LDLRAD4: variants seen among roughly 807,000 people sequenced by gnomAD.
LDLRAD4 encodes the protein low-density lipoprotein receptor class A domain-containing protein 4.
A neutral mutation model predicts 17.0 loss-of-function variants in LDLRAD4; 5 were observed. The ratio of observed to expected loss-of-function variants is 0.29; its 90% CI spans 0.15 to 0.62. The LOEUF is 0.62. Ranked by LOEUF, LDLRAD4 falls within the 20% of genes least tolerant of loss-of-function variation. The pLI, the probability that LDLRAD4 is intolerant of heterozygous loss-of-function variation, is 0.84. For synonymous variants in LDLRAD4, 168 were observed against 171.8 expected, an observed-to-expected ratio of 0.98 and a Z score of 0.17; for missense variants, 340 against 424.7, an observed-to-expected ratio of 0.80 and a Z score of 1.75.
At chr18:13,254,169 C>T (rs1427739134) in intron 1 of LDLRAD4, among the ~76,000 whole-genome samples, 1 of 152,146 alleles carries the variant, frequency 6.6e-6, no homozygotes, top group Non-Finnish European at 1.5e-5. Context: ...CACGGACGGG[C>T]GGTGTCGCGC....
chr18:13,417,699 G>A (rs148472582), intron 2 of LDLRAD4, among the ~76,000 whole-genome samples: 2,059 of 152,294 alleles, frequency 0.014, 24 homozygotes, highest in African/African-American at 0.025. Context: ...CTCCCAAAGT[G>A]CTGGGATTAC....
At chr18:13,374,894 G>A (rs1445116970) in intron 1 of LDLRAD4, among the ~76,000 whole-genome samples, 1 of 152,160 alleles carries the variant, frequency 6.6e-6, no homozygotes, top group Non-Finnish European at 1.5e-5. Context: ...CCCAGGCCCT[G>A]GACCTGTGTG....
chr18:13,384,928 A>G (rs2085677742), intron 1 of LDLRAD4, among the ~76,000 whole-genome samples: 2 of 152,208 alleles, frequency 1.3e-5, no homozygotes, highest in African/African-American at 4.8e-5. Context: ...GTTATTGTGA[A>G]TAGTGCCGAA....
chr18:13,549,667 T>C (rs988071473), intron 3 of LDLRAD4, among the ~76,000 whole-genome samples: 1 of 151,634 alleles, frequency 6.6e-6, no homozygotes, highest in South Asian at 2.1e-4. Context: ...GGAGGAAACT[T>C]AGAGAACAGA....
chr18:13,499,160 C>T (rs898423409), intron 3 of LDLRAD4, among the ~76,000 whole-genome samples: 7 of 149,902 alleles, frequency 4.7e-5, no homozygotes, highest in African/African-American at 1.7e-4. Flanking sequence ...ACACACACGT[C>T]GCGCCGTGGA....
chr18:13,271,412 C>T (rs1055245123), intron 1 of LDLRAD4, among the ~76,000 whole-genome samples: 2 of 152,210 alleles, frequency 1.3e-5, no homozygotes, highest in African/African-American at 4.8e-5. Flanking sequence ...GCCCATTTCC[C>T]AATTCCCACT....
At chr18:13,267,429 C>CA (rs1344167647) in intron 1 of LDLRAD4, among the ~76,000 whole-genome samples, 1 of 152,224 alleles carries the variant, frequency 6.6e-6, no homozygotes, top group Non-Finnish European at 1.5e-5. Flanking sequence ...CCACCTGTCA[C>CA]ATGTGGTGGT....
intron 3 of LDLRAD4, among the ~76,000 whole-genome samples, chr18:13,618,710 C>T (rs779803779): frequency 6.6e-6 from 1 of 152,130 alleles, no homozygotes; most frequent in East Asian, 1.9e-4. Context: ...GTGAATACTC[C>T]GCTATTTAAC....
chr18:13,336,700 T>C (rs1252061865), intron 1 of LDLRAD4, among the ~76,000 whole-genome samples: 3 of 152,182 alleles, frequency 2.0e-5, no homozygotes, highest in Non-Finnish European at 4.4e-5. Flanking sequence ...TGATCTCTTC[T>C]AGTTCATATT....
intron 3 of LDLRAD4, among the ~76,000 whole-genome samples, chr18:13,585,202 G>A (rs1483514382): frequency 6.6e-6 from 1 of 152,210 alleles, no homozygotes; most frequent in South Asian, 2.1e-4. Context: ...CAATACATCA[G>A]CTTTGCTGGG....
At chr18:13,417,587 C>T (rs1240130543) in intron 2 of LDLRAD4, among the ~76,000 whole-genome samples, 1 of 152,076 alleles carries the variant, frequency 6.6e-6, no homozygotes, top group Non-Finnish European at 1.5e-5. Flanking sequence ...CGCCCGCCAC[C>T]ACACCTGGCT....
At chr18:13,498,319 C>A (rs868228518) in intron 3 of LDLRAD4, among the ~76,000 whole-genome samples, 19 of 125,030 alleles carry the variant, frequency 1.5e-4, no homozygotes, top group African/African-American at 3.7e-4. Flanking sequence ...TGCCCACACA[C>A]GTCCTGCCGT....
At position 13,288,828 on chromosome 18, in the gene LDLRAD4, C is replaced by T. The variant is rs12455159; in HGVS notation, c.-383+10640C>T. On this transcript the variant is annotated intron_variant, in intron 1 of 5. Coordinates refer to ENST00000359446, the Ensembl canonical transcript of LDLRAD4. The stretch of plus-strand genomic sequence containing the variant: ...AGTCACGGGGCCACGGTAGCAGCCC[C>T]ACAGACCATGGCAATTGACCGCACC... Among the ~76,000 whole-genome samples the T allele has an allele frequency of 3.2e-3, 146 of 45,598 alleles. 2 individuals carry two copies. Among genetic ancestry groups the T allele is most frequent in the South Asian group, 0.014 (14 of 978 alleles). The allele number at this position is 45,598 out of a possible 152,430, so 29.9% of individuals were successfully genotyped here.
chr18:13,468,678 T>A (rs1191793735), intron 3 of LDLRAD4, among the ~76,000 whole-genome samples: 1 of 151,920 alleles, frequency 6.6e-6, no homozygotes, highest in East Asian at 1.9e-4. Flanking sequence ...CCATAAAAAA[T>A]GATGAGTTCA....
intron 1 of LDLRAD4, among the ~76,000 whole-genome samples, chr18:13,383,718 G>C (rs575472093): frequency 2.0e-5 from 3 of 152,208 alleles, no homozygotes; most frequent in African/African-American, 4.8e-5. Flanking sequence ...CTGGCCCTCA[G>C]AGTTTTCTCT....
chr18:13,511,766 C>T (rs1296246608), intron 3 of LDLRAD4, among the ~76,000 whole-genome samples: 3 of 152,170 alleles, frequency 2.0e-5, no homozygotes, highest in African/African-American at 4.8e-5. Flanking sequence ...GGTTCTCCCT[C>T]GGGCGTGCTG....
At chr18:13,355,974 C>G (rs72872598) in intron 1 of LDLRAD4, among the ~76,000 whole-genome samples, 139 of 152,306 alleles carry the variant, frequency 9.1e-4, no homozygotes, top group Non-Finnish European at 1.6e-3. Context: ...AGCCTGAGAT[C>G]GCAATCCAGT....
intron 1 of LDLRAD4, among the ~76,000 whole-genome samples, chr18:13,327,213 TG>T (rs1314831079): frequency 1.3e-5 from 2 of 152,086 alleles, no homozygotes; most frequent in Non-Finnish European, 2.9e-5. Context: ...ATGTTAGTGA[TG>T]GAGCCACTTT....
intron 3 of LDLRAD4, among the ~76,000 whole-genome samples, chr18:13,601,421 T>C (rs772533255): frequency 6.6e-6 from 1 of 152,042 alleles, no homozygotes; most frequent in Non-Finnish European, 1.5e-5. Flanking sequence ...AAAACCACAG[T>C]GACCACCTCA....
Sources: gnomAD v4.1 joint callset for allele counts (sites outside exome capture counted in the v4.1 genomes callset) on GRCh38, gnomAD v4.1.1 for gene constraint, MANE v1.5 for transcripts, NCBI Gene and HGNC (gene_info 2026-07-23, HGNC 2026-07-21) for gene names.